DAB1: variants seen among roughly 807,000 people sequenced by gnomAD.
The protein encoded by DAB1 is disabled homolog 1.
Under a neutral mutation model 64.6 loss-of-function variants are expected in DAB1, and 15 were observed. That is an observed-to-expected ratio of 0.23 (90% confidence interval 0.16 to 0.36). The LOEUF (loss-of-function observed/expected upper bound fraction) is 0.36. Ranked by LOEUF, DAB1 falls within the 10% of genes least tolerant of loss-of-function variation. The pLI, the probability that DAB1 is intolerant of heterozygous loss-of-function variation, is 1.00. For synonymous variants in DAB1, 235 were observed against 251.9 expected (o/e 0.93, Z 0.64); for missense variants, 596 against 706.7 (o/e 0.84, Z 1.78).
chr1:57,120,298 A>G (rs953182144), intron 4 of DAB1, among the ~76,000 whole-genome samples: 4 of 152,176 alleles, frequency 2.6e-5, no homozygotes, highest in Non-Finnish European at 4.4e-5. Flanking sequence ...CATTTATTCA[A>G]CGTAACTGTT....
chr1:57,515,092 C>A (rs1443769942), intron 7 of DAB1, among the ~76,000 whole-genome samples: 1 of 151,180 alleles, frequency 6.6e-6, no homozygotes, highest in African/African-American at 2.4e-5. Flanking sequence ...AACCATGCTG[C>A]AATTATTCTG....
chr1:57,457,315 G>T (rs755108129), intron 7 of DAB1, among the ~76,000 whole-genome samples: 20 of 152,156 alleles, frequency 1.3e-4, no homozygotes, highest in Non-Finnish European at 2.6e-4. Context: ...AATCTGACCA[G>T]CATGGCAGTG....
intron 4 of DAB1, among the ~76,000 whole-genome samples, chr1:58,173,192 G>C (rs1285392910): frequency 1.3e-5 from 2 of 152,210 alleles, no homozygotes; most frequent in African/African-American, 2.4e-5. Flanking sequence ...ACAGAATGGG[G>C]ATTTTCACAG....
At chr1:58,132,431 C>G (rs1002533113) in intron 5 of DAB1, among the ~76,000 whole-genome samples, 2 of 152,196 alleles carry the variant, frequency 1.3e-5, no homozygotes, top group Non-Finnish European at 2.9e-5. Flanking sequence ...GCGTCGCTCA[C>G]GCTGGGAGCT....
chr1:57,280,073 T>C (rs1671771016), intron 2 of DAB1, among the ~76,000 whole-genome samples: 1 of 152,190 alleles, frequency 6.6e-6, no homozygotes, highest in South Asian at 2.1e-4. Context: ...GCTCTGGGGT[T>C]AGAAAGATCT....
chr1:57,299,561 T>C (rs1405552926), intron 1 of DAB1, among the ~76,000 whole-genome samples: 1 of 151,018 alleles, frequency 6.6e-6, no homozygotes, highest in Admixed American at 6.6e-5. Context: ...TTTCATTAAG[T>C]ATCTATAGCA....
intron 4 of DAB1, among the ~76,000 whole-genome samples, chr1:58,219,940 T>C (rs1659070366): frequency 2.0e-5 from 3 of 152,370 alleles, no homozygotes; most frequent in South Asian, 2.1e-4. Flanking sequence ...GTACAGCCAA[T>C]ACATTTTTGT....
At chr1:57,316,529 A>T (rs1466604268) in intron 1 of DAB1, among the ~76,000 whole-genome samples, 1 of 152,154 alleles carries the variant, frequency 6.6e-6, no homozygotes, top group African/African-American at 2.4e-5. Flanking sequence ...AGGCAATTTT[A>T]TTGGCAGCGC....
chr1:58,130,656 G>T (rs1365476456), intron 5 of DAB1, among the ~76,000 whole-genome samples: 1 of 151,884 alleles, frequency 6.6e-6, no homozygotes, highest in African/African-American at 2.4e-5. Flanking sequence ...AGGCCTGGTG[G>T]TGACAAAATC....
At chr1:58,482,331 T>A (rs993659011) in intron 3 of DAB1, among the ~76,000 whole-genome samples, 5 of 152,166 alleles carry the variant, frequency 3.3e-5, no homozygotes, top group African/African-American at 1.2e-4. Context: ...AATCGTCCAA[T>A]AGAATTGGAA....
chr1:57,869,082 G>A (rs1654425910), intron 1 of DAB1, among the ~76,000 whole-genome samples: 1 of 152,052 alleles, frequency 6.6e-6, no homozygotes, highest in Non-Finnish European at 1.5e-5. Flanking sequence ...TATGGGCAAG[G>A]TAATATAATC....
chr1:57,007,167 G>A (rs1646103383), intron 14 of DAB1, among the ~76,000 whole-genome samples: 2 of 152,100 alleles, frequency 1.3e-5, no homozygotes, highest in South Asian at 4.2e-4. Flanking sequence ...ACGAAGATCA[G>A]TATTAAAAAA....
intron 7 of DAB1, among the ~76,000 whole-genome samples, chr1:57,528,647 C>CAT (rs1644622828): frequency 1.0e-5 from 1 of 100,300 alleles, no homozygotes; most frequent in Non-Finnish European, 2.5e-5. Flanking sequence ...GACACACACA[C>CAT]ACACACACAC....
intron 5 of DAB1, among the ~76,000 whole-genome samples, chr1:57,919,123 T>C (rs2102020184): frequency 6.6e-6 from 1 of 152,352 alleles, no homozygotes; most frequent in Non-Finnish European, 1.5e-5. Context: ...CCCTGGAATA[T>C]GCCCCCTTAC....
chr1:58,519,075 C>A (rs1346672247), intron 2 of DAB1, among the ~76,000 whole-genome samples: 3 of 152,158 alleles, frequency 2.0e-5, no homozygotes, highest in African/African-American at 7.2e-5. Context: ...GATTACCCCA[C>A]ACTGCAGAGA....
intron 4 of DAB1, among the ~76,000 whole-genome samples, chr1:58,264,478 A>G (rs755307430): frequency 2.6e-5 from 4 of 152,256 alleles, no homozygotes; most frequent in Non-Finnish European, 5.9e-5. Flanking sequence ...TCTAAAGTGT[A>G]TATGGCTCAT....
At chr1:58,421,822 GA>G (rs1644774742) in intron 3 of DAB1, among the ~76,000 whole-genome samples, 1 of 152,186 alleles carries the variant, frequency 6.6e-6, no homozygotes, top group Admixed American at 6.5e-5. Context: ...TCTCAGATTT[GA>G]AGGGCTGTCA....
Position 57,972,836 on chromosome 1 carries a change from T to C in DAB1, n.388-88674A>G, listed in dbSNP as rs541635044. On this transcript the variant is annotated intron_variant and non_coding_transcript_variant, in intron 5 of 20. Transcript: ENST00000485760. ...AGGCCCTCACATTCACCTATAGCCT[T>C]AGTCAGCCATATGTACACATGTTCC... is the stretch of plus-strand genomic sequence containing the variant. Among the ~76,000 whole-genome samples, 6 of 152,344 alleles carry C rather than the reference T, an allele frequency of 3.9e-5. No homozygotes were observed. The South Asian group carries it at 1.2e-3, about 32-fold the overall frequency.
rs1663085902 is a variant in DAB1 at position 58,335,260 on chromosome 1, G to T, written n.309+8092C>A. On this transcript the variant is annotated intron_variant and non_coding_transcript_variant, in intron 4 of 20. Coordinates refer to the DAB1 transcript ENST00000485760. ...AATTTACTTGGAATGGCTGAGAAAA[G>T]GCAAGAAGATTTGTGTGGCAAGAGA... Among the ~76,000 whole-genome samples the T allele has an allele frequency of 3.9e-5, 6 of 152,246 alleles. No homozygotes were observed. The South Asian group carries it at 1.2e-3, about 32-fold the overall frequency.
Sources: allele counts gnomAD v4.1 joint callset (sites outside exome capture counted in the v4.1 genomes callset), GRCh38; gene constraint gnomAD v4.1.1; transcripts MANE v1.5; gene names NCBI Gene and HGNC (gene_info 2026-07-23, HGNC 2026-07-21).